GRN: variants seen among roughly 807,000 people sequenced by gnomAD.
The protein encoded by GRN is progranulin.
In GRN, 30 loss-of-function variants were observed where a neutral mutation model predicts 66.7. That is an observed-to-expected ratio of 0.45 (90% CI 0.34 to 0.61). GRN has a LOEUF of 0.61. Among genes scored for constraint, GRN ranks in the 20% least tolerant of loss-of-function variants. GRN has a pLI of 0.01. For missense variants in GRN, 731 were observed against 803.5 expected, an observed-to-expected ratio of 0.91 and a Z score of 1.09; for synonymous variants, 327 against 311.1, an observed-to-expected ratio of 1.05 and a Z score of -0.54.
Position 44,352,738 on chromosome 17 carries a change from C to A in GRN, c.1722C>A (p.Arg574=). The change falls in exon 13 of 13, where the codon CGC becomes CGA. Residue 574 remains arginine, a synonymous_variant. Coordinates refer to ENST00000053867, the MANE Select transcript of GRN (RefSeq NM_002087.4). ...CAGCCAGGGGTACCAAGTGTTTGCG[C>A]AGGGAGGCCCCGCGCTGGGACGCCC... ...RCAARGTKCL[R]REAPRWDAPL... 1.2e-6 allele frequency: 2 copies of A among 1,611,756 alleles called. No homozygotes were observed. Among genetic ancestry groups the A allele is most frequent in the Non-Finnish European group, 1.7e-6 (2 of 1,179,994 alleles).
At position 44,349,188 on chromosome 17, in the gene GRN, G is replaced by A. The variant is rs1318632635; in HGVS notation, c.24G>A (p.Val8=). 3 of 1,614,100 alleles carry A rather than the reference G, an allele frequency of 1.9e-6. No individual in the cohort carries two copies. The highest frequency in any genetic ancestry group is 1.7e-5 in the Admixed American group (1 of 60,030). MWTLVSW[V]ALTAGLVAGT... The stretch of plus-strand genomic sequence containing the variant: ...CCATGTGGACCCTGGTGAGCTGGGT[G>A]GCCTTAACAGCAGGGCTGGTGGCTG... The change falls in exon 2 of 13, where the codon GTG becomes GTA. Residue 8 remains valine, a synonymous_variant. Coordinates refer to ENST00000053867, the MANE Select transcript of GRN (RefSeq NM_002087.4).
intron 8 of GRN, 60 bp from the exon 9 acceptor site, chr17:44,351,303 T>G: frequency 6.5e-7 from 1 of 1,527,842 alleles, no homozygotes; most frequent in Non-Finnish European, 9.1e-7. Flanking sequence ...CGGCAAAGGG[T>G]TGATACCCCT....
chr17:44,351,002 G>C (rs1598364247), intron 7 of GRN, 35 bp from the exon 8 acceptor site: 2 of 1,610,456 alleles, frequency 1.2e-6, no homozygotes, highest in East Asian at 4.5e-5. Flanking sequence ...TACTGAGCCT[G>C]GAAGTGACAA....
In GRN at chr17:44,351,176, G is replaced by C; in HGVS notation, c.835+13G>C. ...CCTGCGCACACAGGTACCAGAGGCA[G>C]GGTGCAGATACAGGGGTGGGGCCCC... On this transcript the variant is annotated intron_variant, in intron 8 of 12. Transcript: ENST00000053867. 3.7e-6 allele frequency: 6 copies of C among 1,614,132 alleles called. No individual in the cohort carries two copies. The highest frequency in any genetic ancestry group is 5.1e-6 in the Non-Finnish European group (6 of 1,179,994).
In GRN at chr17:44,351,132, G is replaced by T; in HGVS notation, c.804G>T (p.Thr268=). 1 of 1,614,102 alleles carries T rather than the reference G, an allele frequency of 6.2e-7. No homozygotes were observed. The highest frequency in any genetic ancestry group is 2.2e-5 in the East Asian group (1 of 44,882). The change falls in exon 8 of 13, where the codon ACG becomes ACT. Residue 268 remains threonine, a synonymous_variant. Transcript: ENST00000053867. ...GCCTCTCCAAGGAGAACGCTACCAC[G>T]GACCTCCTCACTAAGCTGCCTGCGC... ...SKCLSKENAT[T]DLLTKLPAHT... is the part of the protein sequence containing the mutation.
Position 44,350,783 on chromosome 17 carries a change from T to C in GRN, c.691T>C (p.Cys231Arg), listed in dbSNP as rs745566960. 6.2e-6 allele frequency: 10 copies of C among 1,611,986 alleles called. No individual in the cohort carries two copies. In the Admixed American group the frequency reaches 1.7e-4, roughly 27 times the overall value. The change falls in exon 7 of 13, where the codon TGC becomes CGC. Residue 231 changes from cysteine (C) to arginine (R), a missense_variant. Physicochemically the swap from Cys to Arg is radical, Grantham distance 180 (BLOSUM62 -3). Transcript: ENST00000053867. ...TGAGCTGCCCAGTGGGAAGTATGGCTGCTGCCCAATGCCCAACGTGAGTGA... is the reference window on the plus strand; with the variant it reads ...TGAGCTGCCCAGTGGGAAGTATGGCCGCTGCCCAATGCCCAACGTGAGTGA... ...CCELPSGKYGCCPMPNATCCS... is the reference protein window; with the variant it reads ...CCELPSGKYGRCPMPNATCCS...
chr17:44,352,468 T>TG lies in GRN; in HGVS notation c.1544dup (p.Val516CysfsTer14). On this transcript the variant is annotated frameshift_variant, in exon 12 of 13. Transcript: ENST00000053867. LOFTEE classifies it high-confidence loss of function. Reference sequence around the variant, plus strand: ...ACCTTCCTGGCCCGTAGCCCTCACGTGGGTGTGAAGGACGTGGAGTGTGGG... The same window carrying TG: ...ACCTTCCTGGCCCGTAGCCCTCACGTGGGGTGTGAAGGACGTGGAGTGTGGG... 1 of 1,613,996 alleles carries TG rather than the reference T, an allele frequency of 6.2e-7. No homozygotes were observed. The highest frequency in any genetic ancestry group is 8.5e-7 in the Non-Finnish European group (1 of 1,179,944).
Position 44,351,805 on chromosome 17 carries a change from A to C in GRN, c.1179+10A>C. The C allele has an allele frequency of 6.2e-7, 1 of 1,612,178 alleles. No homozygotes were observed. The highest frequency in any genetic ancestry group is 8.5e-7 in the Non-Finnish European group (1 of 1,179,416). On this transcript the variant is annotated intron_variant, in intron 10 of 12. Coordinates refer to ENST00000053867, the MANE Select transcript of GRN (RefSeq NM_002087.4). ...CTGTCCAATCCCAGAGGTATATGGG[A>C]GGGGACAGCATCTTGGCCTGGGCAG... is the stretch of plus-strand genomic sequence containing the variant.
At chr17:44,350,936 CCCCTAGTGG>C in intron 7 of GRN, 92 bp from the exon 8 acceptor site, 2 of 1,448,820 alleles carry the variant, frequency 1.4e-6, no homozygotes, top group Admixed American at 3.3e-5. Flanking sequence ...TTCATGCTAC[CCCCTAGTGG>C]GGGATTGGGG....
intron 1 of GRN, among the ~76,000 whole-genome samples, chr17:44,348,339 G>GGGCAA (rs961633912): frequency 6.6e-6 from 1 of 152,190 alleles, no homozygotes; most frequent in Non-Finnish European, 1.5e-5. Context: ...CAGATGGGCA[G>GGGCAA]CCCAGTGGGC....
rs774308165 is a variant in GRN at position 44,352,007 on chromosome 17, C to T, written c.1180-8C>T. 5 of 1,604,694 alleles carry T rather than the reference C, an allele frequency of 3.1e-6. No homozygotes were observed. The South Asian group carries it at 5.5e-5, about 18-fold the overall frequency. ...TACCTACAACGCCCTTTCCTGCCCA[C>T]CCCCCAGGCTGTCTGCTGCTCGGAC... On this transcript the variant is annotated splice_polypyrimidine_tract_variant and splice_region_variant and intron_variant, in intron 10 of 12. Coordinates refer to ENST00000053867, the MANE Select transcript of GRN (RefSeq NM_002087.4).
intron 1 of GRN, among the ~76,000 whole-genome samples, chr17:44,347,927 C>CAAA (rs398030919): frequency 1.8e-4 from 20 of 109,362 alleles, no homozygotes; most frequent in Admixed American, 3.9e-4. Context: ...AAGACTGTCT[C>CAAA]AAAAAAAAAA....
At chr17:44,348,449 G>A (rs1311459417) in intron 1 of GRN, among the ~76,000 whole-genome samples, 2 of 152,240 alleles carry the variant, frequency 1.3e-5, no homozygotes, top group African/African-American at 4.8e-5. Flanking sequence ...AGAGGGCCCT[G>A]GTGGTGTGGG....
At chr17:44,347,437 C>T (rs980392827) in intron 1 of GRN, among the ~76,000 whole-genome samples, 2 of 151,812 alleles carry the variant, frequency 1.3e-5, no homozygotes, top group Admixed American at 6.6e-5. Flanking sequence ...TGCAGGTGTG[C>T]GCTACCACGC....
In GRN at chr17:44,352,412, C is replaced by T. The variant is rs63750576; in HGVS notation, c.1485C>T (p.Cys495=). 139 of 1,614,030 alleles carry T rather than the reference C, an allele frequency of 8.6e-5. No homozygotes were observed. In the East Asian group the frequency reaches 8.7e-4, roughly 10 times the overall value. ...CCTGCAACGTGAAGGCTCGATCCTG[C>T]GAGAAGGAAGTGGTCTCTGCCCAGC... is the stretch of plus-strand genomic sequence containing the variant. ...GYTCNVKARS[C]EKEVVSAQPA... Residue 495 remains cysteine (C), a synonymous_variant, in exon 12 of 13, where the codon TGC becomes TGT. Transcript: ENST00000053867.
intron 4 of GRN, 196 bp downstream of exon 4, chr17:44,349,947 C>T: frequency 1.6e-6 from 1 of 641,004 alleles, no homozygotes; most frequent in South Asian, 1.8e-5. Flanking sequence ...AAGTGCAAGA[C>T]TCCAGGTCCA....
chr17:44,350,676 T>C lies in GRN; in HGVS notation c.599-15T>C. On this transcript the variant is annotated splice_polypyrimidine_tract_variant and intron_variant, in intron 6 of 12. Coordinates refer to ENST00000053867, the MANE Select transcript of GRN (RefSeq NM_002087.4). ...CCTCCATCCTGGCTGCCCCTCACGT[T>C]TGCTCCTCTTCCAGTGGCCTTGTCC... 1 of 1,612,898 alleles carries C rather than the reference T, an allele frequency of 6.2e-7. No individual in the cohort carries two copies. The highest frequency in any genetic ancestry group is 8.5e-7 in the Non-Finnish European group (1 of 1,178,962).
chr17:44,349,034 G>A (rs1279408880), intron 1 of GRN, 124 bp from the exon 2 acceptor site: 1 of 998,268 alleles, frequency 1.0e-6, no homozygotes, highest in East Asian at 2.4e-5. Flanking sequence ...GGACAGGGAG[G>A]TGTTGAGAAG....
In GRN at chr17:44,349,187, T is replaced by A; in HGVS notation, c.23T>A (p.Val8Glu). ...ACCATGTGGACCCTGGTGAGCTGGG[T>A]GGCCTTAACAGCAGGGCTGGTGGCT... is the stretch of plus-strand genomic sequence containing the variant. MWTLVSWVALTAGLVAGT... is the reference protein window; with the variant it reads MWTLVSWEALTAGLVAGT... The change falls in exon 2 of 13, where the codon GTG (valine) becomes GAG (glutamate). Residue 8 changes from valine to glutamate, a missense_variant. This residue lies in a region of GRN where 370 missense variants were observed against 379.8 expected (regional missense o/e 0.97). Transcript: ENST00000053867. The A allele has an allele frequency of 6.2e-7, 1 of 1,614,130 alleles. No individual in the cohort carries two copies. Among genetic ancestry groups the A allele is most frequent in the Non-Finnish European group, 8.5e-7 (1 of 1,180,014 alleles).
Sources: allele counts gnomAD v4.1 joint callset (sites outside exome capture counted in the v4.1 genomes callset), GRCh38; gene constraint gnomAD v4.1.1; regional missense constraint gnomAD v4.1.1; transcripts MANE v1.5; gene names NCBI Gene and HGNC (gene_info 2026-07-23, HGNC 2026-07-21).